The following ADAM12 variants were observed in gnomAD, a reference collection of about 807,000 sequenced individuals.
The protein encoded by ADAM12 is ADAM metallopeptidase domain 12.
Under a neutral mutation model 106.4 loss-of-function variants are expected in ADAM12, and 70 were observed. That is an observed-to-expected ratio of 0.66 (90% CI 0.54 to 0.80). ADAM12 has a LOEUF of 0.80. Among genes scored for constraint, ADAM12 ranks in the 30% least tolerant of loss-of-function variants. The probability of loss-of-function intolerance (pLI) is 0.00; values close to 1 mark genes in which losing one functional copy is unlikely to be tolerated. For synonymous variants in ADAM12, 420 were observed against 433.5 expected (o/e 0.97, Z 0.39); for missense variants, 1,010 against 1,171.9 (o/e 0.86, Z 2.02).
chr10:126,138,665 C>A (rs1418977510), intron 4 of ADAM12, among the ~76,000 whole-genome samples: 1 of 152,202 alleles, frequency 6.6e-6, no homozygotes, highest in Non-Finnish European at 1.5e-5. Context: ...CGTGAGCCAT[C>A]AGAACTGGCC....
intron 3 of ADAM12, among the ~76,000 whole-genome samples, chr10:126,252,668 T>A (rs1052684704): frequency 2.6e-5 from 4 of 152,132 alleles, no homozygotes; most frequent in African/African-American, 9.7e-5. Context: ...CCACATTGGG[T>A]TACGGGGGAT....
chr10:126,067,446 C>A (rs1012404505), intron 12 of ADAM12, among the ~76,000 whole-genome samples: 1 of 151,986 alleles, frequency 6.6e-6, no homozygotes, highest in Non-Finnish European at 1.5e-5. Context: ...CATTGATTTG[C>A]GAGGGATTTA....
At chr10:126,260,745 G>A (rs376369733) in intron 3 of ADAM12, among the ~76,000 whole-genome samples, 3 of 152,140 alleles carry the variant, frequency 2.0e-5, no homozygotes, top group South Asian at 2.1e-4. Flanking sequence ...GGGGTGTGCC[G>A]TGGCAGTGCC....
At chr10:126,206,934 A>C (rs746562145) in intron 3 of ADAM12, among the ~76,000 whole-genome samples, 46 of 151,736 alleles carry the variant, frequency 3.0e-4, no homozygotes, top group Non-Finnish European at 2.6e-4. Flanking sequence ...ATAGTGAATA[A>C]GTCTCACAAG....
chr10:126,348,541 A>G (rs1331740793), intron 1 of ADAM12, among the ~76,000 whole-genome samples: 1 of 152,174 alleles, frequency 6.6e-6, no homozygotes, highest in Non-Finnish European at 1.5e-5. Flanking sequence ...ACGGATGCAT[A>G]TGAGGAGAAA....
intron 2 of ADAM12, among the ~76,000 whole-genome samples, chr10:126,286,341 C>T (rs1959860117): frequency 6.6e-6 from 1 of 152,036 alleles, no homozygotes; most frequent in Admixed American, 6.6e-5. Flanking sequence ...CAGCCAAGTC[C>T]ACTCCCATCA....
chr10:126,264,863 T>G (rs559270428), intron 3 of ADAM12, among the ~76,000 whole-genome samples: 1 of 152,334 alleles, frequency 6.6e-6, no homozygotes, highest in East Asian at 1.9e-4. Flanking sequence ...TTCCCTGTTC[T>G]CACCCCAGCA....
chr10:126,166,319 C>T (rs929770621), intron 3 of ADAM12, among the ~76,000 whole-genome samples: 33 of 152,116 alleles, frequency 2.2e-4, no homozygotes, highest in African/African-American at 6.3e-4. Context: ...GCTGACTTGT[C>T]CACTGGCTGA....
At position 126,035,673 on chromosome 10, in the gene ADAM12, GATATAC is replaced by G. The variant is rs1287717469; in HGVS notation, c.2529+467_2529+472del. On this transcript the variant is annotated intron_variant, in intron 21 of 22. Transcript: ENST00000448723. ...TCCAAAAACAGCATAAAAATGAGAT[GATATAC>G]ATAAACAATACAGTGCTAAGTTTGG... 1.4e-4 allele frequency among the ~76,000 whole-genome samples: 21 copies of G among 152,168 alleles called. No homozygotes were observed. The East Asian group carries it at 2.1e-3, about 15-fold the overall frequency.
In ADAM12 at chr10:126,113,687, AATATATATATATAT is replaced by A. The variant is rs71309278; in HGVS notation, c.604-3861_604-3848del. On this transcript the variant is annotated intron_variant, in intron 6 of 22. Coordinates refer to ENST00000448723, the MANE Select transcript of ADAM12 (RefSeq NM_001288973.2). ...AAAAAAAAAAAAAAAAAAAAAAAAA[AATATATATATATAT>A]ATATATATATATATATATATATATA... 7.2e-3 allele frequency among the ~76,000 whole-genome samples: 172 copies of A among 24,004 alleles called. 1 individual carries two copies. Among genetic ancestry groups the A allele is most frequent in the East Asian group, 0.017 (9 of 528 alleles). 15.7% of individuals were successfully genotyped at this position (24,004 alleles called of 152,430 possible).
At chr10:126,271,034 C>T (rs1042959309) in intron 3 of ADAM12, among the ~76,000 whole-genome samples, 3 of 152,162 alleles carry the variant, frequency 2.0e-5, no homozygotes, top group Non-Finnish European at 4.4e-5. Flanking sequence ...CCATGAACAC[C>T]CCCTTCAAAA....
At chr10:126,044,056 G>A (rs1954250333) in intron 17 of ADAM12, among the ~76,000 whole-genome samples, 1 of 152,148 alleles carries the variant, frequency 6.6e-6, no homozygotes, top group Admixed American at 6.5e-5. Flanking sequence ...TCGCTATTAT[G>A]CCAGATGTAA....
intron 11 of ADAM12, among the ~76,000 whole-genome samples, chr10:126,082,026 T>C (rs962688067): frequency 2.6e-5 from 4 of 152,208 alleles, no homozygotes; most frequent in Non-Finnish European, 4.4e-5. Context: ...AATACATAGA[T>C]GGTGTCAAAG....
chr10:126,181,865 T>C (rs1017309883), intron 3 of ADAM12, among the ~76,000 whole-genome samples: 2 of 152,202 alleles, frequency 1.3e-5, no homozygotes, highest in African/African-American at 4.8e-5. Context: ...GAGCCCCTCC[T>C]GGTGTGGAGG....
intron 14 of ADAM12, among the ~76,000 whole-genome samples, chr10:126,057,673 C>T (rs1423419288): frequency 2.6e-5 from 4 of 152,186 alleles, no homozygotes; most frequent in East Asian, 1.9e-4. Flanking sequence ...AGCTAGTGGT[C>T]GCCAGAGTGA....
intron 3 of ADAM12, among the ~76,000 whole-genome samples, chr10:126,210,618 G>A (rs552298767): frequency 6.6e-6 from 1 of 152,332 alleles, no homozygotes; most frequent in East Asian, 1.9e-4. Flanking sequence ...AGGTGGTGGA[G>A]GAGATGAACA....
chr10:126,311,136 CA>C (rs1961077450), intron 2 of ADAM12, among the ~76,000 whole-genome samples: 2 of 150,988 alleles, frequency 1.3e-5, no homozygotes, highest in South Asian at 2.1e-4. Context: ...CACACACACA[CA>C]CCTGCACGCA....
chr10:126,109,730 T>C (rs1480527832), intron 7 of ADAM12, 45 bp downstream of exon 7: 1 of 1,564,406 alleles, frequency 6.4e-7, no homozygotes, highest in African/African-American at 1.4e-5. Context: ...CCTTTTTTCT[T>C]TTATCTCTAA....
chr10:126,288,824 C>T (rs1332890299), intron 2 of ADAM12, among the ~76,000 whole-genome samples: 2 of 149,954 alleles, frequency 1.3e-5, no homozygotes, highest in Non-Finnish European at 3.0e-5. Context: ...CACGGTGGCC[C>T]AGGGACAGGA....
Sources: allele counts gnomAD v4.1 joint callset (sites outside exome capture counted in the v4.1 genomes callset), GRCh38; gene constraint gnomAD v4.1.1; transcripts MANE v1.5; gene names NCBI Gene and HGNC (gene_info 2026-07-23, HGNC 2026-07-21).